Variants in RYR3 observed in about 807,000 individuals in gnomAD.
RYR3 encodes the protein brain ryanodine receptor-calcium release channel.
In RYR3, 207 loss-of-function variants were observed where a neutral mutation model predicts 584.3. The observed-to-expected ratio is 0.35, with a 90% CI of 0.32 to 0.40. The LOEUF is 0.40. RYR3 is among the 10% of genes least tolerant of loss of function. The pLI is 1.00. For synonymous variants in RYR3, 2,416 were observed against 2,248.5 expected (o/e 1.07, Z -2.11); for missense variants, 5,616 against 6,089.2 (o/e 0.92, Z 2.59).
chr15:33,388,657 G>A (rs370982155), intron 1 of RYR3, among the ~76,000 whole-genome samples: 121 of 152,296 alleles, frequency 7.9e-4, no homozygotes, highest in African/African-American at 2.6e-3. Flanking sequence ...GCTTCTAAGA[G>A]TGAACAGTAG....
chr15:33,778,974 T>C (rs2074207641), intron 64 of RYR3, among the ~76,000 whole-genome samples: 1 of 152,214 alleles, frequency 6.6e-6, no homozygotes, highest in South Asian at 2.1e-4. Flanking sequence ...TAACTTCCCC[T>C]TATAGTAATT....
chr15:33,791,633 A>G (rs2075163849), intron 67 of RYR3, among the ~76,000 whole-genome samples: 1 of 152,190 alleles, frequency 6.6e-6, no homozygotes, highest in South Asian at 2.1e-4. Flanking sequence ...ATGAATTTAC[A>G]GTAAGACCCA....
intron 23 of RYR3, among the ~76,000 whole-genome samples, chr15:33,631,977 G>T (rs931821948): frequency 6.6e-6 from 1 of 152,176 alleles, no homozygotes; most frequent in Non-Finnish European, 1.5e-5. Flanking sequence ...GCAACTCCTA[G>T]TACCAAGAAA....
rs551480726 is a variant in RYR3 at position 33,400,438 on chromosome 15, G to A, written c.52-72981G>A. ...TTTAAAGCCCGTTCCTACTGATGAA[G>A]CTAATTGATGACACCTGAGTCTTTT... On this transcript the variant is annotated intron_variant, in intron 1 of 103. Coordinates refer to ENST00000634891, the MANE Select transcript of RYR3 (RefSeq NM_001036.6). 3.3e-5 allele frequency among the ~76,000 whole-genome samples: 5 copies of A among 152,332 alleles called. No individual in the cohort carries two copies. In the South Asian group the frequency reaches 1.0e-3, roughly 32 times the overall value.
intron 60 of RYR3, among the ~76,000 whole-genome samples, chr15:33,762,337 G>A (rs1356874157): frequency 6.6e-6 from 1 of 152,154 alleles, no homozygotes; most frequent in Non-Finnish European, 1.5e-5. Context: ...CAGATGACAT[G>A]ATCCTATACT....
chr15:33,405,935 A>G (rs115030040), intron 1 of RYR3, among the ~76,000 whole-genome samples: 1 of 152,242 alleles, frequency 6.6e-6, no homozygotes, highest in Non-Finnish European at 1.5e-5. Context: ...TCACAGGTGT[A>G]TATCATGGAG....
chr15:33,516,341 CTT>C (rs200998411), intron 3 of RYR3, among the ~76,000 whole-genome samples: 2 of 144,262 alleles, frequency 1.4e-5, no homozygotes. Flanking sequence ...GTAAGATCTA[CTT>C]TTTTTTTTTT....
At chr15:33,420,403 T>C (rs2044156628) in intron 1 of RYR3, among the ~76,000 whole-genome samples, 1 of 152,200 alleles carries the variant, frequency 6.6e-6, no homozygotes, top group African/African-American at 2.4e-5. Context: ...TTGTTTGTGA[T>C]GTTACTTGTA....
intron 16 of RYR3, among the ~76,000 whole-genome samples, chr15:33,590,222 C>T (rs146172071): frequency 2.6e-4 from 40 of 152,186 alleles, no homozygotes; most frequent in South Asian, 8.3e-4. Context: ...AGGCAGGAAC[C>T]GGCCATTTTC....
rs549437882 is a variant in RYR3 at position 33,628,001 on chromosome 15, A to G, written c.2575-470A>G. ...GGCCATGCAACAAAAAGCAAAAATA[A>G]AAACAGGAGGAGAAAAAAGATTTTG... On this transcript the variant is annotated intron_variant, in intron 20 of 103. Coordinates refer to ENST00000634891, the MANE Select transcript of RYR3 (RefSeq NM_001036.6). Among the ~76,000 whole-genome samples the G allele has an allele frequency of 5.3e-5, 8 of 152,348 alleles. No homozygotes were observed. The East Asian group carries it at 1.5e-3, about 29-fold the overall frequency.
Position 33,662,134 on chromosome 15 carries a change from T to C in RYR3, c.4623-19T>C. 1.3e-6 allele frequency: 2 copies of C among 1,545,902 alleles called. No homozygotes were observed. The highest frequency in any genetic ancestry group is 1.7e-6 in the Non-Finnish European group (2 of 1,144,698). ...GTTCTTCTCCCCCTGGTGTGGCTGA[T>C]TGCTCGTCCTGTCCTCAGGTGTGTG... On this transcript the variant is annotated intron_variant, in intron 34 of 103. Transcript: ENST00000634891.
At chr15:33,786,041 T>C in intron 66 of RYR3, 59 bp downstream of exon 66, 1 of 1,335,234 alleles carries the variant, frequency 7.5e-7, no homozygotes, top group Non-Finnish European at 1.0e-6. Context: ...GGATTCTTTT[T>C]TCATCTCTAT....
chr15:33,375,041 T>C (rs983603873), intron 1 of RYR3, among the ~76,000 whole-genome samples: 2 of 152,194 alleles, frequency 1.3e-5, no homozygotes, highest in African/African-American at 4.8e-5. Flanking sequence ...TGAAAGCAAA[T>C]AGTGTCTAGT....
chr15:33,434,849 G>C (rs182577176), intron 1 of RYR3, among the ~76,000 whole-genome samples: 37 of 151,944 alleles, frequency 2.4e-4, no homozygotes, highest in African/African-American at 8.2e-4. Context: ...ACAGAGTCTC[G>C]CTCTGTCTCC....
chr15:33,617,804 T>G (rs1266674538), intron 19 of RYR3, among the ~76,000 whole-genome samples: 1 of 132,270 alleles, frequency 7.6e-6, no homozygotes, highest in Non-Finnish European at 1.7e-5. Context: ...CTTTTTCAAT[T>G]AGATTTACCC....
intron 3 of RYR3, among the ~76,000 whole-genome samples, chr15:33,519,269 G>T (rs1177820791): frequency 6.6e-6 from 1 of 152,174 alleles, no homozygotes; most frequent in Non-Finnish European, 1.5e-5. Context: ...AGATTTTGTA[G>T]TAGGGATTTG....
chr15:33,754,456 T>G (rs926848150), intron 57 of RYR3, among the ~76,000 whole-genome samples: 2 of 152,324 alleles, frequency 1.3e-5, no homozygotes, highest in African/African-American at 2.4e-5. Flanking sequence ...CCTCAGGACC[T>G]TTGCACTGTC....
intron 12 of RYR3, among the ~76,000 whole-genome samples, chr15:33,576,344 A>G (rs934824204): frequency 4.6e-5 from 7 of 152,244 alleles, no homozygotes; most frequent in African/African-American, 1.7e-4. Flanking sequence ...AATAACCCTG[A>G]TGAACATCAA....
intron 18 of RYR3, among the ~76,000 whole-genome samples, chr15:33,608,462 C>T (rs2060014307): frequency 6.6e-6 from 1 of 152,222 alleles, no homozygotes; most frequent in Admixed American, 6.5e-5. Flanking sequence ...AGCAATGCCA[C>T]CATTCCATCA....
Sources: allele counts gnomAD v4.1 joint callset (sites outside exome capture counted in the v4.1 genomes callset), GRCh38; gene constraint gnomAD v4.1.1; transcripts MANE v1.5; gene names NCBI Gene and HGNC (gene_info 2026-07-23, HGNC 2026-07-21).